The following NAALADL2 variants were observed in gnomAD, a reference collection of about 807,000 sequenced individuals.
NAALADL2 encodes the protein N-acetylated alpha-linked acidic dipeptidase like 2.
A neutral mutation model predicts 87.2 loss-of-function variants in NAALADL2; 76 were observed. That is an observed-to-expected ratio of 0.87 (90% CI 0.72 to 1.05). The LOEUF (loss-of-function observed/expected upper bound fraction) is 1.05. Among genes scored for constraint, NAALADL2 ranks in the 50% least tolerant of loss-of-function variants. The pLI, the probability that NAALADL2 is intolerant of heterozygous loss-of-function variation, is 0.00. For missense variants in NAALADL2, 1,089 were observed against 945.8 expected (o/e 1.15, Z -1.99); for synonymous variants, 354 against 331.0 (o/e 1.07, Z -0.75).
chr3:175,714,953 A>G (rs1349330968), intron 11 of NAALADL2, among the ~76,000 whole-genome samples: 1 of 152,196 alleles, frequency 6.6e-6, no homozygotes, highest in Non-Finnish European at 1.5e-5. Flanking sequence ...AGGCAATACC[A>G]TTCAGGACAT....
At chr3:174,495,668 G>A (rs1030391529) in intron 1 of NAALADL2, among the ~76,000 whole-genome samples, 1 of 43,566 alleles carries the variant, frequency 2.3e-5, no homozygotes, top group African/African-American at 7.5e-5. Context: ...TTTTTGAGAG[G>A]TTCACAGGGG....
intron 2 of NAALADL2, among the ~76,000 whole-genome samples, chr3:175,104,307 CAG>C (rs1447006183): frequency 2.0e-5 from 3 of 152,156 alleles, no homozygotes; most frequent in East Asian, 1.9e-4. Flanking sequence ...TGAAGAACCA[CAG>C]AGTGTTTTTA....
At chr3:175,144,666 C>T (rs1010975131) in intron 2 of NAALADL2, among the ~76,000 whole-genome samples, 5 of 151,800 alleles carry the variant, frequency 3.3e-5, no homozygotes, top group Non-Finnish European at 4.4e-5. Context: ...TACTTATCTC[C>T]GTCACTTTTT....
chr3:175,403,640 A>G (rs1248477064), intron 5 of NAALADL2, among the ~76,000 whole-genome samples: 1 of 152,160 alleles, frequency 6.6e-6, no homozygotes, highest in Non-Finnish European at 1.5e-5. Flanking sequence ...AGTTATTTTG[A>G]CAATAATAAA....
chr3:175,090,244 A>C (rs994629482), intron 1 of NAALADL2, among the ~76,000 whole-genome samples: 4 of 152,116 alleles, frequency 2.6e-5, no homozygotes, highest in Admixed American at 6.5e-5. Context: ...ACTTAAACTT[A>C]TGTGGTAGAT....
At chr3:174,497,599 A>G (rs753726166) in intron 1 of NAALADL2, among the ~76,000 whole-genome samples, 1 of 150,946 alleles carries the variant, frequency 6.6e-6, no homozygotes. Flanking sequence ...TATTATTGCA[A>G]TTGCCACATC....
rs974549484 is a variant in NAALADL2 at position 175,590,068 on chromosome 3, C to A, written c.1800+13881C>A. 1.1e-4 allele frequency among the ~76,000 whole-genome samples: 16 copies of A among 151,928 alleles called. No individual in the cohort carries two copies. In the East Asian group the frequency reaches 3.1e-3, roughly 30 times the overall value. ...TCTCCTAAAAATACAAAAAATTAGC[C>A]GGGCGTGGTGGCGGGCGACTGTAAT... On this transcript the variant is annotated intron_variant, in intron 10 of 13. Transcript: ENST00000454872.
intron 1 of NAALADL2, among the ~76,000 whole-genome samples, chr3:174,914,626 GTAAA>G (rs1466014537): frequency 3.3e-5 from 5 of 152,104 alleles, no homozygotes; most frequent in South Asian, 2.1e-4. Flanking sequence ...AGAACAGGTA[GTAAA>G]TAAATGTACA....
At chr3:174,680,307 G>A (rs1727418672) in intron 2 of NAALADL2, among the ~76,000 whole-genome samples, 1 of 152,070 alleles carries the variant, frequency 6.6e-6, no homozygotes, top group Non-Finnish European at 1.5e-5. Flanking sequence ...TCAAATTCAA[G>A]GTCCCAAAAG....
chr3:174,907,716 T>C (rs191917222), intron 1 of NAALADL2, among the ~76,000 whole-genome samples: 140 of 152,228 alleles, frequency 9.2e-4, no homozygotes, highest in Non-Finnish European at 1.8e-3. Flanking sequence ...ATTGGTGGTG[T>C]TCATTAGTAA....
chr3:175,758,467 C>T (rs960278499), intron 13 of NAALADL2, among the ~76,000 whole-genome samples: 19 of 151,774 alleles, frequency 1.3e-4, no homozygotes, highest in South Asian at 2.1e-4. Context: ...TTCGTTTAGA[C>T]GTATCGGACT....
chr3:174,765,123 T>TAG (rs754095674), intron 3 of NAALADL2, among the ~76,000 whole-genome samples: 6 of 119,016 alleles, frequency 5.0e-5, no homozygotes, highest in African/African-American at 1.7e-4. Context: ...TACACACACA[T>TAG]ACACACACAC....
At chr3:174,812,066 G>A (rs1720275240) in intron 3 of NAALADL2, among the ~76,000 whole-genome samples, 1 of 152,100 alleles carries the variant, frequency 6.6e-6, no homozygotes, top group Admixed American at 6.5e-5. Context: ...AGAAGCAGAT[G>A]CTGCCCTACT....
chr3:174,558,795 C>T (rs1021785395), intron 2 of NAALADL2, among the ~76,000 whole-genome samples: 4 of 152,140 alleles, frequency 2.6e-5, no homozygotes, highest in Non-Finnish European at 5.9e-5. Context: ...TGCTAGAACG[C>T]AATTTCATCA....
chr3:174,683,244 A>C (rs952857666), intron 2 of NAALADL2, among the ~76,000 whole-genome samples: 65 of 152,274 alleles, frequency 4.3e-4, no homozygotes, highest in African/African-American at 1.4e-3. Context: ...AAAACAATGA[A>C]GTGTGCCTAC....
intron 10 of NAALADL2, among the ~76,000 whole-genome samples, chr3:175,623,350 C>T (rs12496292): frequency 0.74 from 112,613 of 151,490 alleles, 42,439 homozygotes; most frequent in East Asian, 0.87. Flanking sequence ...TAGTCCTGAA[C>T]AGAGGAGAAG....
At chr3:174,621,541 T>C (rs975344943) in intron 2 of NAALADL2, among the ~76,000 whole-genome samples, 2 of 151,832 alleles carry the variant, frequency 1.3e-5, no homozygotes, top group African/African-American at 4.8e-5. Flanking sequence ...ACCCTTGAGG[T>C]CTATATATAT....
At chr3:175,792,242 T>C (rs934264622) in intron 13 of NAALADL2, among the ~76,000 whole-genome samples, 5 of 152,170 alleles carry the variant, frequency 3.3e-5, no homozygotes, top group Non-Finnish European at 7.4e-5. Flanking sequence ...AAAGCATTAA[T>C]TTTTGTCACA....
intron 9 of NAALADL2, among the ~76,000 whole-genome samples, chr3:175,520,767 A>T (rs1238100671): frequency 2.0e-5 from 3 of 152,196 alleles, no homozygotes; most frequent in Non-Finnish European, 4.4e-5. Flanking sequence ...AAGGGATTAG[A>T]TGTATTCTTA....
Sources: gnomAD v4.1 joint callset for allele counts (sites outside exome capture counted in the v4.1 genomes callset) on GRCh38, gnomAD v4.1.1 for gene constraint, MANE v1.5 for transcripts, NCBI Gene and HGNC (gene_info 2026-07-23, HGNC 2026-07-21) for gene names.